Variants in TRPM1 observed in about 807,000 individuals in gnomAD.
TRPM1 encodes TRPM1-203 APA Isoform, Intron 10.
A neutral mutation model predicts 149.4 loss-of-function variants in TRPM1; 113 were observed. The ratio of observed to expected loss-of-function variants is 0.76; its 90% CI spans 0.65 to 0.88. The LOEUF is 0.88. TRPM1 is among the 40% of genes least tolerant of loss of function. The pLI is 0.00. For missense variants in TRPM1, 1,976 were observed against 2,038.7 expected, an observed-to-expected ratio of 0.97 and a Z score of 0.59; for synonymous variants, 741 against 759.5, an observed-to-expected ratio of 0.98 and a Z score of 0.40.
chr15:31,047,321 G>C (rs554043544), intron 14 of TRPM1, 70 bp from the exon 15 acceptor site: 67 of 1,587,498 alleles, frequency 4.2e-5, no homozygotes, highest in African/African-American at 1.5e-4. Flanking sequence ...ACACGTCTAG[G>C]GGGTAAGTGG....
intron 1 of TRPM1, among the ~76,000 whole-genome samples, chr15:31,133,725 G>A (rs1474807720): frequency 6.6e-6 from 1 of 152,008 alleles, no homozygotes. Context: ...GAAACTGAAG[G>A]AAAAGGACAC....
intron 16 of TRPM1, among the ~76,000 whole-genome samples, chr15:31,044,353 T>C (rs1239572863): frequency 6.6e-6 from 1 of 151,572 alleles, no homozygotes; most frequent in African/African-American, 2.4e-5. Context: ...AAGAAACAAA[T>C]ACAAATAAAA....
intron 27 of TRPM1, among the ~76,000 whole-genome samples, chr15:31,024,502 G>C (rs901553343): frequency 3.3e-5 from 5 of 152,154 alleles, no homozygotes; most frequent in African/African-American, 1.2e-4. Flanking sequence ...GATCTCAGCC[G>C]AGGGAAACAG....
At chr15:31,089,446 G>A (rs976283072) in intron 1 of TRPM1, among the ~76,000 whole-genome samples, 1 of 152,208 alleles carries the variant, frequency 6.6e-6, no homozygotes, top group African/African-American at 2.4e-5. Flanking sequence ...ACAGGTCATT[G>A]GTGACCATGG....
At chr15:31,003,308 A>C (rs2031863443) in intron 27 of TRPM1, among the ~76,000 whole-genome samples, 1 of 152,246 alleles carries the variant, frequency 6.6e-6, no homozygotes, top group African/African-American at 2.4e-5. Flanking sequence ...TCATTGTTCT[A>C]AGAGCATAAT....
chr15:31,031,243 G>A, intron 22 of TRPM1, 86 bp from the exon 23 acceptor site: 4 of 1,466,328 alleles, frequency 2.7e-6, no homozygotes, highest in South Asian at 2.3e-5. Flanking sequence ...CTCCAATTAA[G>A]CACTTCACGA....
intron 1 of TRPM1, among the ~76,000 whole-genome samples, chr15:31,088,304 G>A (rs1412301631): frequency 5.3e-5 from 8 of 152,210 alleles, no homozygotes; most frequent in East Asian, 1.9e-4. Flanking sequence ...GGTCACCAGC[G>A]CCAGCCCTGG....
intron 24 of TRPM1, among the ~76,000 whole-genome samples, chr15:31,028,930 G>T (rs61997150): frequency 6.6e-6 from 1 of 151,574 alleles, no homozygotes; most frequent in Non-Finnish European, 1.5e-5. Context: ...TCCCTTTATC[G>T]TTATCCATTT....
chr15:31,081,604 C>T (rs2034860639), intron 1 of TRPM1, among the ~76,000 whole-genome samples, 166 bp from the exon 2 acceptor site: 1 of 152,048 alleles, frequency 6.6e-6, no homozygotes, highest in Non-Finnish European at 1.5e-5. Flanking sequence ...GCGCTCTGTT[C>T]TCCATAAACC....
At chr15:31,155,676 A>C (rs996882418) in intron 1 of TRPM1, among the ~76,000 whole-genome samples, 2 of 152,086 alleles carry the variant, frequency 1.3e-5, no homozygotes, top group African/African-American at 4.8e-5. Flanking sequence ...TTTCTCTCTT[A>C]AAAGGAGGGA....
chr15:31,082,088 G>A (rs114663804), intron 1 of TRPM1, among the ~76,000 whole-genome samples: 1,818 of 152,200 alleles, frequency 0.012, 33 homozygotes, highest in African/African-American at 0.038. Context: ...CAACGATAAC[G>A]CCACTGCAGG....
At chr15:31,160,146 G>A (rs557361940) in intron 1 of TRPM1, among the ~76,000 whole-genome samples, 175 of 152,300 alleles carry the variant, frequency 1.1e-3, no homozygotes, top group Middle Eastern at 3.4e-3. Flanking sequence ...CTGCATGCGA[G>A]GGGCAGTCAG....
chr15:31,058,853 G>A (rs1429810565), intron 11 of TRPM1, among the ~76,000 whole-genome samples: 3 of 152,154 alleles, frequency 2.0e-5, no homozygotes, highest in Non-Finnish European at 2.9e-5. Flanking sequence ...AGGCCAAGGC[G>A]GGTGGGTCAC....
At chr15:31,057,274 C>T (rs1256774309) in intron 11 of TRPM1, among the ~76,000 whole-genome samples, 10 of 152,162 alleles carry the variant, frequency 6.6e-5, no homozygotes, top group Admixed American at 6.5e-4. Context: ...TTATCCTTAG[C>T]AAACTAAGGC....
intron 1 of TRPM1, among the ~76,000 whole-genome samples, chr15:31,113,848 GA>G: frequency 6.6e-6 from 1 of 152,154 alleles, no homozygotes; most frequent in Non-Finnish European, 1.5e-5. Context: ...GCAAAACAAC[GA>G]CGCTCCCACA....
At position 31,002,282 on chromosome 15, in the gene TRPM1, C is replaced by T; in HGVS notation, c.4418G>A (p.Gly1473Glu). ...ACTGTACTCTACATCCTGGTTAACCCCACCGACCAGCTTTCTTCCCCGGGA... is the reference window on the plus strand; with the variant it reads ...ACTGTACTCTACATCCTGGTTAACCTCACCGACCAGCTTTCTTCCCCGGGA... ...VYSRGRKLVG[G>E]VNQDVEYSSI... The change falls in exon 28 of 28, where the codon GGG becomes GAG. Residue 1473 changes from glycine to glutamate, a missense_variant. Around this residue, in one of 3 missense-constraint regions of TRPM1, gnomAD observed 572 missense variants for 578.9 expected, o/e 0.99. Transcript: ENST00000256552. The T allele has an allele frequency of 6.2e-7, 1 of 1,614,212 alleles. No individual in the cohort carries two copies. The highest frequency in any genetic ancestry group is 1.1e-5 in the South Asian group (1 of 91,086).
Position 31,068,061 on chromosome 15 carries a change from T to TCTTTCAC in TRPM1, c.310_311insGTGAAAG (p.Asp104GlyfsTer32). On this transcript the variant is annotated frameshift_variant, in exon 5 of 28. Coordinates refer to ENST00000256552, the MANE Select transcript of TRPM1 (RefSeq NM_001252024.2). LOFTEE classifies it high-confidence loss of function. Reference sequence around the variant, plus strand: ...TTTCACCATGAGATGGAGCAGTGAGTCTGGCTTGGTGTCATAGGATACACG... The same window carrying TCTTTCAC: ...TTTCACCATGAGATGGAGCAGTGAGTCTTTCACCTGGCTTGGTGTCATAGGATACACG... The TCTTTCAC allele has an allele frequency of 1.9e-6, 3 of 1,614,168 alleles. No individual in the cohort carries two copies. The Middle Eastern group carries it at 4.9e-4, about 266-fold the overall frequency.
At chr15:31,018,752 G>A (rs1254368240) in intron 27 of TRPM1, among the ~76,000 whole-genome samples, 1 of 152,200 alleles carries the variant, frequency 6.6e-6, no homozygotes, top group African/African-American at 2.4e-5. Context: ...TGCAAACTCC[G>A]CCTCTCCGGT....
intron 3 of TRPM1, among the ~76,000 whole-genome samples, chr15:31,074,003 T>C (rs148430475): frequency 1.3e-5 from 2 of 152,152 alleles, no homozygotes; most frequent in Non-Finnish European, 2.9e-5. Context: ...TATTACATTA[T>C]TTATTTTTCT....
Sources: gnomAD v4.1 joint callset for allele counts (sites outside exome capture counted in the v4.1 genomes callset) on GRCh38, gnomAD v4.1.1 for gene constraint, gnomAD v4.1.1 regional missense constraint, MANE v1.5 for transcripts, NCBI Gene and HGNC (gene_info 2026-07-23, HGNC 2026-07-21) for gene names.